AGBL4: variants seen among roughly 807,000 people sequenced by gnomAD.
AGBL4 encodes the protein AGBL carboxypeptidase 4, also known as cytosolic carboxypeptidase 6.
AGBL4 carries 58 observed loss-of-function variants against 66.4 expected under a neutral mutation model. The observed-to-expected ratio is 0.87, with a 90% CI of 0.71 to 1.09. The LOEUF (loss-of-function observed/expected upper bound fraction) is 1.09, where lower values mean the gene tolerates loss of function less well. Ranked by LOEUF, AGBL4 falls within the 50% of genes least tolerant of loss-of-function variation. The pLI, the probability that AGBL4 is intolerant of heterozygous loss-of-function variation, is 0.00. For synonymous variants in AGBL4, 234 were observed against 222.9 expected, an observed-to-expected ratio of 1.05 and a Z score of -0.44; for missense variants, 579 against 631.0, an observed-to-expected ratio of 0.92 and a Z score of 0.88.
chr1:49,178,652 A>C (rs1646873804), intron 4 of AGBL4, among the ~76,000 whole-genome samples: 1 of 152,158 alleles, frequency 6.6e-6, no homozygotes, highest in Non-Finnish European at 1.5e-5. Context: ...CTCATTCTCA[A>C]ATTTAATCTT....
At chr1:49,655,409 A>T (rs978378597) in intron 3 of AGBL4, among the ~76,000 whole-genome samples, 1 of 152,072 alleles carries the variant, frequency 6.6e-6, no homozygotes, top group Non-Finnish European at 1.5e-5. Flanking sequence ...CTGACAATTA[A>T]GTGTCTTGGA....
chr1:48,851,396 G>T (rs761930729), intron 6 of AGBL4, among the ~76,000 whole-genome samples: 24 of 152,162 alleles, frequency 1.6e-4, no homozygotes, highest in Admixed American at 2.6e-4. Flanking sequence ...AATCTCTGCT[G>T]GTTTAGCTGA....
At chr1:48,913,503 G>T (rs934333826) in intron 5 of AGBL4, among the ~76,000 whole-genome samples, 1 of 152,108 alleles carries the variant, frequency 6.6e-6, no homozygotes, top group Non-Finnish European at 1.5e-5. Context: ...CAGATCAACA[G>T]CAGCCTTAGA....
intron 4 of AGBL4, among the ~76,000 whole-genome samples, chr1:49,111,294 A>G (rs1344412280): frequency 6.6e-6 from 1 of 152,030 alleles, no homozygotes; most frequent in East Asian, 1.9e-4. Context: ...TTGTACTTTT[A>G]GTAGAGACGA....
chr1:49,818,417 G>A (rs1415218652), intron 2 of AGBL4, among the ~76,000 whole-genome samples: 1 of 150,030 alleles, frequency 6.7e-6, no homozygotes, highest in Non-Finnish European at 1.5e-5. Flanking sequence ...CCAGGCTGGA[G>A]TGCAGTGGCA....
At chr1:49,062,448 A>T (rs1486291153) in intron 4 of AGBL4, among the ~76,000 whole-genome samples, 4 of 152,250 alleles carry the variant, frequency 2.6e-5, no homozygotes. Context: ...TTTGTACACC[A>T]TGAATCCCTA....
intron 3 of AGBL4, among the ~76,000 whole-genome samples, chr1:49,340,198 G>A (rs925033498): frequency 6.6e-5 from 9 of 136,178 alleles, no homozygotes; most frequent in African/African-American, 8.5e-5. Context: ...GAATTAGTAC[G>A]TTTGTAAATT....
At chr1:49,507,947 A>T (rs1648848890) in intron 3 of AGBL4, among the ~76,000 whole-genome samples, 2 of 151,884 alleles carry the variant, frequency 1.3e-5, no homozygotes. Context: ...ACATCAAATG[A>T]GACTGATAAT....
At chr1:48,678,524 G>A (rs1221545648) in intron 6 of AGBL4, among the ~76,000 whole-genome samples, 1 of 152,158 alleles carries the variant, frequency 6.6e-6, no homozygotes, top group Non-Finnish European at 1.5e-5. Context: ...AGCTGACCCG[G>A]GCCAGATTGG....
chr1:48,883,113 T>C (rs538375130), intron 5 of AGBL4, among the ~76,000 whole-genome samples: 10 of 152,344 alleles, frequency 6.6e-5, no homozygotes, highest in Middle Eastern at 3.4e-3. Context: ...CAGATTTCAT[T>C]TTCTTTGGGT....
chr1:49,212,699 C>T (rs1217033420), intron 4 of AGBL4, among the ~76,000 whole-genome samples: 1 of 152,070 alleles, frequency 6.6e-6, no homozygotes, highest in African/African-American at 2.4e-5. Flanking sequence ...GATGACCACA[C>T]CCTTGCTTCT....
chr1:49,306,544 C>G (rs1277437843), intron 3 of AGBL4, among the ~76,000 whole-genome samples: 2 of 152,140 alleles, frequency 1.3e-5, no homozygotes, highest in Admixed American at 6.6e-5. Context: ...AGGTCCCATT[C>G]AACTATACTT....
At chr1:49,479,289 A>ATT (rs936255160) in intron 3 of AGBL4, among the ~76,000 whole-genome samples, 1 of 147,416 alleles carries the variant, frequency 6.8e-6, no homozygotes. Flanking sequence ...AAATATCTAG[A>ATT]TTTTTTTTTT....
rs186600282 is a variant in AGBL4 at position 48,572,519 on chromosome 1, G to A, written c.1267+14485C>T. Among the ~76,000 whole-genome samples, 336 of 151,880 alleles carry A rather than the reference G, an allele frequency of 2.2e-3. 2 individuals are homozygous for A. Among genetic ancestry groups the A allele is most frequent in the African/African-American group, 7.8e-3 (325 of 41,436 alleles). On this transcript the variant is annotated intron_variant, in intron 11 of 13. Coordinates refer to ENST00000371839, the MANE Select transcript of AGBL4 (RefSeq NM_032785.4). ...AAGAGAGGGTGTAATAAAGTTATGT[G>A]CAAATTGTGTGTGTGTGTGAGTGTG...
intron 6 of AGBL4, among the ~76,000 whole-genome samples, chr1:48,709,823 C>G (rs1057389679): frequency 6.6e-6 from 1 of 151,978 alleles, no homozygotes; most frequent in South Asian, 2.1e-4. Flanking sequence ...GGGATGGTCT[C>G]GATCTCCTGA....
At chr1:49,021,192 G>C (rs553142143) in intron 5 of AGBL4, among the ~76,000 whole-genome samples, 8 of 152,318 alleles carry the variant, frequency 5.3e-5, no homozygotes, top group African/African-American at 1.9e-4. Context: ...GATTCTAACA[G>C]TTGCTAGCTA....
chr1:48,678,028 C>T (rs919487695), intron 6 of AGBL4, among the ~76,000 whole-genome samples: 4 of 152,308 alleles, frequency 2.6e-5, no homozygotes, highest in African/African-American at 7.2e-5. Context: ...AACACGTCAT[C>T]GAAAGGAAGC....
rs193260429 is a variant in AGBL4 at position 50,007,490 on chromosome 1, C to T, written c.34+16273G>A. On this transcript the variant is annotated intron_variant, in intron 1 of 13. Transcript: ENST00000371839. ...TAAGAAACACACTTCTGGCTAGGCACGGTGGCTCACATCCATAATCCTAGC... is the reference window on the plus strand; with the variant it reads ...TAAGAAACACACTTCTGGCTAGGCATGGTGGCTCACATCCATAATCCTAGC... Among the ~76,000 whole-genome samples the T allele has an allele frequency of 5.9e-5, 9 of 152,250 alleles. No homozygotes were observed. In the East Asian group the frequency reaches 7.7e-4, roughly 13 times the overall value.
intron 4 of AGBL4, among the ~76,000 whole-genome samples, chr1:49,115,624 G>A (rs1443007893): frequency 6.6e-6 from 1 of 152,090 alleles, no homozygotes; most frequent in Non-Finnish European, 1.5e-5. Context: ...GAAAGAGAGA[G>A]AAAGAATCCG....
Sources: allele counts gnomAD v4.1 joint callset (sites outside exome capture counted in the v4.1 genomes callset), GRCh38; gene constraint gnomAD v4.1.1; transcripts MANE v1.5; gene names NCBI Gene and HGNC (gene_info 2026-07-23, HGNC 2026-07-21).